CSMD1: variants seen among roughly 807,000 people sequenced by gnomAD.
CSMD1 encodes the protein CUB and Sushi multiple domains 1.
Under a neutral mutation model 417.5 loss-of-function variants are expected in CSMD1, and 213 were observed. The ratio of observed to expected loss-of-function variants is 0.51; its 90% confidence interval spans 0.46 to 0.57. CSMD1 has a LOEUF of 0.57. Ranked by LOEUF, CSMD1 falls within the 20% of genes least tolerant of loss-of-function variation. The pLI is 0.00. For missense variants in CSMD1, 6,923 were observed against 4,529.7 expected (o/e 1.53, Z -15.17); for synonymous variants, 2,862 against 1,736.8 (o/e 1.65, Z -16.11).
In CSMD1 at chr8:4,433,785, G is replaced by C. The variant is rs184616555; in HGVS notation, c.303-13720C>G. Among the ~76,000 whole-genome samples, 458 of 152,060 alleles carry C rather than the reference G, an allele frequency of 3.0e-3. 3 individuals carry two copies. Among genetic ancestry groups the C allele is most frequent in the African/African-American group, 0.011 (437 of 41,482 alleles). On this transcript the variant is annotated intron_variant, in intron 2 of 69. Transcript: ENST00000635120. Reference sequence around the variant, plus strand: ...TTTATAGATGGAGTTTAAAATTTGTGTCTATTTACCTCTGTCCTTTGCAAG... The same window carrying C: ...TTTATAGATGGAGTTTAAAATTTGTCTCTATTTACCTCTGTCCTTTGCAAG...
intron 3 of CSMD1, among the ~76,000 whole-genome samples, chr8:4,191,645 T>G (rs575459699): frequency 6.6e-6 from 1 of 150,462 alleles, no homozygotes; most frequent in Non-Finnish European, 1.5e-5. Flanking sequence ...TGAAAGAAAA[T>G]GAAAAGCCAT....
chr8:4,382,731 G>C (rs1803184121), intron 3 of CSMD1, among the ~76,000 whole-genome samples: 1 of 127,976 alleles, frequency 7.8e-6, no homozygotes, highest in Non-Finnish European at 1.9e-5. Flanking sequence ...TTAACGCTTT[G>C]CATTGTTAGG....
intron 54 of CSMD1, among the ~76,000 whole-genome samples, chr8:2,991,878 C>A (rs975607967): frequency 7.2e-5 from 11 of 152,198 alleles, no homozygotes; most frequent in Admixed American, 2.0e-4. Context: ...GCAGTGGGTA[C>A]AAAAGTCACA....
chr8:4,477,123 A>C (rs1434733059), intron 2 of CSMD1, among the ~76,000 whole-genome samples: 1 of 152,160 alleles, frequency 6.6e-6, no homozygotes, highest in Non-Finnish European at 1.5e-5. Context: ...GTCTCTTAAG[A>C]GTCACAGTTT....
At position 4,619,772 on chromosome 8, in the gene CSMD1, T is replaced by C. The variant is rs564758591; in HGVS notation, c.302+17570A>G. Among the ~76,000 whole-genome samples, 10 of 152,242 alleles carry C rather than the reference T, an allele frequency of 6.6e-5. No homozygotes were observed. In the South Asian group the frequency reaches 2.1e-3, roughly 32 times the overall value. ...GGAAGAACTTGGAAAACCAGGCATGTCCTCACAATTTTGGTATTCATATCA... is the reference window on the plus strand; with the variant it reads ...GGAAGAACTTGGAAAACCAGGCATGCCCTCACAATTTTGGTATTCATATCA... On this transcript the variant is annotated intron_variant, in intron 2 of 69. Transcript: ENST00000635120.
At chr8:3,913,467 G>A (rs895251805) in intron 5 of CSMD1, among the ~76,000 whole-genome samples, 2 of 152,182 alleles carry the variant, frequency 1.3e-5, no homozygotes, top group African/African-American at 4.8e-5. Context: ...CAGACTGGAA[G>A]AAGCAAGCCC....
chr8:3,847,504 G>A (rs947341060), intron 5 of CSMD1, among the ~76,000 whole-genome samples: 1 of 152,096 alleles, frequency 6.6e-6, no homozygotes, highest in Non-Finnish European at 1.5e-5. Flanking sequence ...ACATCAATAT[G>A]AGTATGGAAG....
intron 1 of CSMD1, among the ~76,000 whole-genome samples, chr8:4,899,930 G>A (rs181407686): frequency 1.3e-5 from 2 of 152,130 alleles, no homozygotes; most frequent in Non-Finnish European, 2.9e-5. Context: ...CCAGAGTCTT[G>A]TTCACAGTAG....
At chr8:4,445,503 A>G (rs1229326005) in intron 2 of CSMD1, among the ~76,000 whole-genome samples, 4 of 152,212 alleles carry the variant, frequency 2.6e-5, no homozygotes, top group Non-Finnish European at 5.9e-5. Flanking sequence ...CATAAAGCCA[A>G]TTTTATACTT....
At chr8:3,085,781 A>C (rs73657572) in intron 49 of CSMD1, among the ~76,000 whole-genome samples, 45 of 152,258 alleles carry the variant, frequency 3.0e-4, no homozygotes, top group African/African-American at 1.1e-3. Flanking sequence ...CCACCTCATA[A>C]TCCGTTTCCA....
chr8:4,667,611 T>G (rs1195871563), intron 1 of CSMD1, among the ~76,000 whole-genome samples: 1 of 152,214 alleles, frequency 6.6e-6, no homozygotes, highest in Non-Finnish European at 1.5e-5. Context: ...CTTTATGTAT[T>G]GGAACGCTAT....
At chr8:4,163,777 T>C (rs944715515) in intron 3 of CSMD1, among the ~76,000 whole-genome samples, 7 of 152,308 alleles carry the variant, frequency 4.6e-5, no homozygotes, top group Admixed American at 2.0e-4. Flanking sequence ...GGAAATGTAA[T>C]GACTTATTCA....
intron 2 of CSMD1, among the ~76,000 whole-genome samples, chr8:4,453,982 C>A (rs970276954): frequency 2.6e-5 from 4 of 151,608 alleles, no homozygotes; most frequent in African/African-American, 7.3e-5. Context: ...CCACCGCGCC[C>A]GGCTAATTTT....
At chr8:3,672,146 T>C (rs1248844870) in intron 7 of CSMD1, among the ~76,000 whole-genome samples, 4 of 152,344 alleles carry the variant, frequency 2.6e-5, no homozygotes, top group African/African-American at 9.6e-5. Flanking sequence ...TGCAAACTTG[T>C]TTTCTAGTGT....
chr8:4,382,403 G>A (rs1220457935), intron 3 of CSMD1, among the ~76,000 whole-genome samples: 1 of 152,218 alleles, frequency 6.6e-6, no homozygotes, highest in East Asian at 1.9e-4. Flanking sequence ...CATGGTCAAT[G>A]AATGAAGCAA....
At chr8:3,074,030 G>T (rs1449078008) in intron 49 of CSMD1, among the ~76,000 whole-genome samples, 2 of 152,206 alleles carry the variant, frequency 1.3e-5, no homozygotes, top group Non-Finnish European at 2.9e-5. Context: ...TCACCCTGAG[G>T]GTGGCAGCGG....
intron 1 of CSMD1, among the ~76,000 whole-genome samples, chr8:4,837,489 C>A (rs1293593310): frequency 1.3e-5 from 2 of 152,026 alleles, no homozygotes; most frequent in Non-Finnish European, 2.9e-5. Flanking sequence ...ATAAGCCAGG[C>A]ACAGAAAGGC....
intron 12 of CSMD1, among the ~76,000 whole-genome samples, chr8:3,439,805 T>C (rs1814852540): frequency 6.6e-6 from 1 of 152,212 alleles, no homozygotes; most frequent in South Asian, 2.1e-4. Flanking sequence ...CATTTAAGTC[T>C]ATTATCCATT....
intron 29 of CSMD1, among the ~76,000 whole-genome samples, chr8:3,217,034 T>A (rs1256748463): frequency 6.6e-6 from 1 of 152,106 alleles, no homozygotes; most frequent in Non-Finnish European, 1.5e-5. Flanking sequence ...CTAGATGCAA[T>A]GACATCACTG....
Sources: allele counts gnomAD v4.1 joint callset (sites outside exome capture counted in the v4.1 genomes callset), GRCh38; gene constraint gnomAD v4.1.1; transcripts MANE v1.5; gene names NCBI Gene and HGNC (gene_info 2026-07-23, HGNC 2026-07-21).